Variants in SNX10 observed in about 807,000 individuals in gnomAD.
SNX10 encodes the protein sorting nexin-10.
A neutral mutation model predicts 28.5 loss-of-function variants in SNX10; 25 were observed. The ratio of observed to expected loss-of-function variants is 0.88; its 90% CI spans 0.64 to 1.22. The LOEUF is 1.22. Ranked by LOEUF, SNX10 falls within the 50% of genes most tolerant of loss-of-function variation. The probability of loss-of-function intolerance (pLI) is 0.00; values close to 1 mark genes in which losing one functional copy is unlikely to be tolerated. For missense variants in SNX10, 223 were observed against 242.6 expected, an observed-to-expected ratio of 0.92 and a Z score of 0.54; for synonymous variants, 62 against 81.4, an observed-to-expected ratio of 0.76 and a Z score of 1.28.
At position 26,319,805 on chromosome 7, in the gene SNX10, A is replaced by G. The variant is rs138496003; in HGVS notation, c.-23-26615A>G. On this transcript the variant is annotated intron_variant, in intron 1 of 6. Transcript: ENST00000338523. ...TAGCTAAGGCGGGGGGGAAATGACAAAAGCCTCAGAGAGCAGGAGCCAAGT... is the reference window on the plus strand; with the variant it reads ...TAGCTAAGGCGGGGGGGAAATGACAGAAGCCTCAGAGAGCAGGAGCCAAGT... Among the ~76,000 whole-genome samples the G allele has an allele frequency of 1.7e-3, 260 of 152,248 alleles. 8 individuals carry two copies. The East Asian group carries it at 0.044, about 26-fold the overall frequency.
chr7:26,349,994 C>T (rs1056183011), intron 2 of SNX10, among the ~76,000 whole-genome samples: 4 of 152,178 alleles, frequency 2.6e-5, no homozygotes, highest in African/African-American at 7.2e-5. Flanking sequence ...GCACAGGGCT[C>T]ACTTGGTGTA....
At chr7:26,320,050 C>T (rs1220838553) in intron 1 of SNX10, among the ~76,000 whole-genome samples, 8 of 152,122 alleles carry the variant, frequency 5.3e-5, no homozygotes, top group East Asian at 1.9e-4. Context: ...GGTGCAATCT[C>T]GGCTCACTGC....
intron 2 of SNX10, among the ~76,000 whole-genome samples, chr7:26,351,126 C>G (rs548575892): frequency 5.9e-5 from 9 of 152,330 alleles, no homozygotes; most frequent in African/African-American, 2.2e-4. Flanking sequence ...TAATATCTCA[C>G]TCTTCCAGCT....
intron 1 of SNX10, among the ~76,000 whole-genome samples, chr7:26,317,443 A>G (rs572633201): frequency 2.0e-5 from 3 of 152,186 alleles, no homozygotes; most frequent in South Asian, 4.1e-4. Context: ...AATTAACAAC[A>G]TACAACATAC....
chr7:26,365,557 T>C (rs1789254737), intron 5 of SNX10, among the ~76,000 whole-genome samples: 1 of 152,208 alleles, frequency 6.6e-6, no homozygotes, highest in Non-Finnish European at 1.5e-5. Context: ...GGGCTGCTAA[T>C]ATCCTTCTGG....
intron 1 of SNX10, among the ~76,000 whole-genome samples, chr7:26,304,342 C>T (rs1308790566): frequency 6.6e-6 from 1 of 152,222 alleles, no homozygotes; most frequent in African/African-American, 2.4e-5. Context: ...CCCCCTTGCC[C>T]CGAATCTCAG....
chr7:26,293,232 A>G (rs1404873765), intron 1 of SNX10: 2 of 152,338 alleles, frequency 1.3e-5, no homozygotes, highest in South Asian at 2.1e-4. Flanking sequence ...ACAAGGTATT[A>G]TTCTGTCACC....
At chr7:26,318,447 A>T (rs139283455) in intron 1 of SNX10, among the ~76,000 whole-genome samples, 3 of 152,264 alleles carry the variant, frequency 2.0e-5, no homozygotes, top group African/African-American at 7.2e-5. Context: ...TAATTCAGCC[A>T]GTGGTCATAC....
chr7:26,327,310 C>T (rs144271053), intron 1 of SNX10, among the ~76,000 whole-genome samples: 70 of 152,304 alleles, frequency 4.6e-4, no homozygotes, highest in Admixed American at 4.2e-3. Flanking sequence ...CTAGCCACCA[C>T]ACGATTTGTG....
chr7:26,334,823 G>A (rs1411164978), intron 1 of SNX10, among the ~76,000 whole-genome samples: 1 of 152,076 alleles, frequency 6.6e-6, no homozygotes, highest in East Asian at 1.9e-4. Context: ...CTGAATATCA[G>A]AGTTCTGCTG....
rs543688946 is a variant in SNX10, at chr7:26,343,869, A to G, written c.-23-2551A>G. 4.6e-5 allele frequency among the ~76,000 whole-genome samples: 7 copies of G among 152,214 alleles called. No homozygotes were observed. In the South Asian group the frequency reaches 1.2e-3, roughly 27 times the overall value. On this transcript the variant is annotated intron_variant, in intron 1 of 6. Coordinates refer to ENST00000338523, the MANE Select transcript of SNX10 (RefSeq NM_013322.3). ...CCTTTTTCCTTTTGCTTTCCTGGCT[A>G]TCTCACACCATCCTTTAGGCCTCAG...
intron 1 of SNX10, among the ~76,000 whole-genome samples, chr7:26,333,686 TACTCTTACCAGGTG>T (rs1164838120): frequency 6.6e-6 from 1 of 152,220 alleles, no homozygotes; most frequent in Non-Finnish European, 1.5e-5. Flanking sequence ...TAGTACTTCT[TACTCTTACCAGGTG>T]AAGGGGTAGA....
At position 26,309,606 on chromosome 7, in the gene SNX10, G is replaced by T. The variant is rs115022375; in HGVS notation, c.-24+17520G>T. ...AGGTATCCGGCTGTTGGCTTCTCCC[G>T]GGTTCATGTATGTGGGAAGAACTCT... is the stretch of plus-strand genomic sequence containing the variant. On this transcript the variant is annotated intron_variant, in intron 1 of 6. Coordinates refer to ENST00000338523, the MANE Select transcript of SNX10 (RefSeq NM_013322.3). 1.9e-3 allele frequency among the ~76,000 whole-genome samples: 285 copies of T among 152,190 alleles called. 1 individual carries two copies. Among genetic ancestry groups the T allele is most frequent in the African/African-American group, 6.6e-3 (275 of 41,510 alleles).
intron 2 of SNX10, among the ~76,000 whole-genome samples, chr7:26,355,460 T>C (rs1361519884): frequency 7.9e-5 from 12 of 152,230 alleles, no homozygotes; most frequent in Admixed American, 7.9e-4. Flanking sequence ...ATGAACATAG[T>C]GTGTCTCTGC....
At chr7:26,345,082 C>A (rs1311737335) in intron 1 of SNX10, among the ~76,000 whole-genome samples, 1 of 152,316 alleles carries the variant, frequency 6.6e-6, no homozygotes, top group East Asian at 1.9e-4. Flanking sequence ...GGGCACTTGC[C>A]ATCAGATTTA....
intron 5 of SNX10, chr7:26,370,858 C>T (rs1159908750): frequency 6.6e-6 from 1 of 152,252 alleles, no homozygotes; most frequent in East Asian, 1.9e-4. Flanking sequence ...CTTAGTGTCT[C>T]CTCTTACATA....
In SNX10 at chr7:26,362,895, G is replaced by T. The variant is rs112467737; in HGVS notation, c.112-1640G>T. Among the ~76,000 whole-genome samples, 116 of 152,316 alleles carry T rather than the reference G, an allele frequency of 7.6e-4. 1 individual carries two copies. Among genetic ancestry groups the T allele is most frequent in the African/African-American group, 2.8e-3 (115 of 41,568 alleles). On this transcript the variant is annotated intron_variant, in intron 3 of 6. Transcript: ENST00000338523. ...ATGAAGGACTTATGGATCGACCTTA[G>T]TCTGGTGTAGGTACCAGGTGGATTT...
At chr7:26,345,027 G>A (rs747365562) in intron 1 of SNX10, among the ~76,000 whole-genome samples, 17 of 152,126 alleles carry the variant, frequency 1.1e-4, no homozygotes, top group East Asian at 5.8e-4. Context: ...CTCCGTCTTC[G>A]TCTTCACATG....
In SNX10 at chr7:26,358,805, G is replaced by GTTTTTTT. The variant is rs35527687; in HGVS notation, c.25-2157_25-2151dup. Among the ~76,000 whole-genome samples the GTTTTTTT allele has an allele frequency of 1.6e-3, 159 of 100,090 alleles. 11 individuals carry two copies. Among genetic ancestry groups the GTTTTTTT allele is most frequent in the East Asian group, 3.4e-3 (11 of 3,222 alleles). The allele number at this position is 100,090 out of a possible 152,430, so 65.7% of individuals were successfully genotyped here. A position where few individuals can be genotyped will look rare whatever the true frequency, so the allele number is the denominator to read the frequency against. ...GAGCATCACTATAGTGTTATCTTGT[G>GTTTTTTT]TTTTTTTTTTTTTTTTTTTGACCAA... On this transcript the variant is annotated intron_variant, in intron 2 of 6. Coordinates refer to ENST00000338523, the MANE Select transcript of SNX10 (RefSeq NM_013322.3).
Sources: allele counts gnomAD v4.1 joint callset (sites outside exome capture counted in the v4.1 genomes callset), GRCh38; gene constraint gnomAD v4.1.1; transcripts MANE v1.5; gene names NCBI Gene and HGNC (gene_info 2026-07-23, HGNC 2026-07-21).